SPATA31H1: variants seen among roughly 807,000 people sequenced by gnomAD.
SPATA31H1 encodes spermatogenesis-associated protein 31H1.
At chr2:27,568,694 G>A in the SPATA31H1 span, 1 of 398,952 alleles carries the variant, frequency 2.5e-6, no homozygotes, top group East Asian at 3.6e-5. Flanking sequence ...TGGCCCCAAA[G>A]CCATGGTTAC....
chr2:27,579,996 C>T, the SPATA31H1 span: 3 of 1,614,190 alleles, frequency 1.9e-6, no homozygotes, highest in South Asian at 1.1e-5. Flanking sequence ...CACTTCGGGG[C>T]CTTATCTTCT....
chr2:27,578,467 T>C, the SPATA31H1 span: 6 of 1,614,110 alleles, frequency 3.7e-6, no homozygotes, highest in Non-Finnish European at 4.2e-6. Flanking sequence ...ATAAATTGTG[T>C]GGATTTACTT....
At chr2:27,575,145 T>C in the SPATA31H1 span, 1 of 398,466 alleles carries the variant, frequency 2.5e-6, no homozygotes, top group South Asian at 1.3e-4. This position sits in a 1 kb window ranked among gnomAD's most constrained non-coding sequence, Gnocchi z 4.1. Flanking sequence ...GAAATCTGGG[T>C]TGATAAAGCT....
chr2:27,559,039 C>T, the SPATA31H1 span, among the ~76,000 whole-genome samples: 2 of 152,034 alleles, frequency 1.3e-5, no homozygotes, highest in Admixed American at 6.5e-5. Flanking sequence ...TTTTATTCCC[C>T]ATGTTTATCT....
At chr2:27,582,486 C>T in the SPATA31H1 span, 1 of 1,612,268 alleles carries the variant, frequency 6.2e-7, no homozygotes. Flanking sequence ...ACATAAAAAT[C>T]CCAAAGCAGG....
the SPATA31H1 span, chr2:27,566,836 A>C: frequency 1.8e-5 from 13 of 717,572 alleles, no homozygotes; most frequent in East Asian, 3.5e-4. Context: ...TGCTGTTGTG[A>C]CTATAAGAAA....
chr2:27,550,411 ATTTTTT>A, the SPATA31H1 span, among the ~76,000 whole-genome samples: 12 of 94,540 alleles, frequency 1.3e-4, no homozygotes, highest in East Asian at 2.6e-3. Flanking sequence ...TGGGTGTTAA[ATTTTTT>A]TTTTTTTTTT....
At chr2:27,564,897 C>T in the SPATA31H1 span, among the ~76,000 whole-genome samples, 1 of 152,114 alleles carries the variant, frequency 6.6e-6, no homozygotes, top group Admixed American at 6.5e-5. Flanking sequence ...CAGAAGTTTT[C>T]CAACTACAGA....
At chr2:27,549,072 CAAAAAAAAA>C in the SPATA31H1 span, among the ~76,000 whole-genome samples, 2 of 53,306 alleles carry the variant, frequency 3.8e-5, no homozygotes, top group African/African-American at 6.0e-5. Context: ...GACTCCGTCT[CAAAAAAAAA>C]AAAAAAAAAA....
At chr2:27,577,217 T>A in the SPATA31H1 span, 1 of 1,613,998 alleles carries the variant, frequency 6.2e-7, no homozygotes, top group African/African-American at 1.3e-5. This position sits in a 1 kb window ranked among gnomAD's most constrained non-coding sequence, Gnocchi z 4.5. Flanking sequence ...TGGTAAGGGA[T>A]CAAGGCTCAA....
At chr2:27,575,093 G>A in the SPATA31H1 span, 4 of 398,518 alleles carry the variant, frequency 1.0e-5, no homozygotes, top group Admixed American at 1.8e-4. This position sits in a 1 kb window ranked among gnomAD's most constrained non-coding sequence, Gnocchi z 4.1. Flanking sequence ...TTCAGGGTGT[G>A]AAATCTGTAG....
the SPATA31H1 span, among the ~76,000 whole-genome samples, chr2:27,546,919 T>C: frequency 2.0e-5 from 3 of 152,044 alleles, no homozygotes; most frequent in Non-Finnish European, 2.9e-5. Flanking sequence ...CCCTACACTT[T>C]CACGACTCTT....
At chr2:27,566,052 T>C in the SPATA31H1 span, 2 of 717,502 alleles carry the variant, frequency 2.8e-6, no homozygotes, top group South Asian at 1.5e-5. Context: ...AGATCCACAG[T>C]GGGAAGAAAA....
the SPATA31H1 span, among the ~76,000 whole-genome samples, chr2:27,545,591 T>C: frequency 2.2e-4 from 33 of 151,426 alleles, no homozygotes; most frequent in Non-Finnish European, 4.3e-4. Context: ...TTTTTTTTTT[T>C]TTGAGACGGA....
chr2:27,539,513 C>T, the SPATA31H1 span, among the ~76,000 whole-genome samples: 1 of 121,320 alleles, frequency 8.2e-6, no homozygotes, highest in Non-Finnish European at 1.7e-5. Flanking sequence ...CCCATGTCTA[C>T]TTCTATCCAC....
chr2:27,550,960 G>T, the SPATA31H1 span, among the ~76,000 whole-genome samples: 1 of 151,600 alleles, frequency 6.6e-6, no homozygotes, highest in Non-Finnish European at 1.5e-5. Flanking sequence ...TATGATCTCA[G>T]CTCACTGCAA....
the SPATA31H1 span, chr2:27,571,161 C>G: frequency 7.5e-6 from 3 of 398,304 alleles, no homozygotes; most frequent in Non-Finnish European, 1.3e-5. Context: ...AACACCAGAG[C>G]CAGAATTGGA....
chr2:27,537,457 C>T, the SPATA31H1 span: 1 of 717,396 alleles, frequency 1.4e-6, no homozygotes, highest in Non-Finnish European at 2.6e-6. Context: ...GGACGTCCCA[C>T]TGCCATCAGA....
the SPATA31H1 span, chr2:27,579,545 T>G: frequency 1.2e-6 from 2 of 1,614,080 alleles, no homozygotes; most frequent in African/African-American, 2.7e-5. Flanking sequence ...AGCAATACTC[T>G]GGGACTAGAG....
Sources: allele counts gnomAD v4.1 joint callset (sites outside exome capture counted in the v4.1 genomes callset), GRCh38; gene constraint gnomAD v4.1.1; non-coding constraint Gnocchi (gnomAD v3.1); transcripts MANE v1.5; gene names NCBI Gene and HGNC (gene_info 2026-07-23, HGNC 2026-07-21).